ENTREP2: variants seen among roughly 807,000 people sequenced by gnomAD.
ENTREP2 encodes the protein protein ENTREP2.
the ENTREP2 span, among the ~76,000 whole-genome samples, chr15:29,646,906 T>C: frequency 6.6e-6 from 1 of 152,230 alleles, no homozygotes; most frequent in East Asian, 1.9e-4. Flanking sequence ...AATGGGTTAC[T>C]ACAGTGGGTA....
chr15:29,364,937 C>T, the ENTREP2 span, among the ~76,000 whole-genome samples: 1 of 152,118 alleles, frequency 6.6e-6, no homozygotes, highest in African/African-American at 2.4e-5. Flanking sequence ...CACTCAGAGT[C>T]CATGGTTTAC....
the ENTREP2 span, among the ~76,000 whole-genome samples, chr15:29,591,833 A>AGAAGAAGAG: frequency 9.9e-4 from 1 of 1,008 alleles, no homozygotes; most frequent in Non-Finnish European, 3.2e-3. Flanking sequence ...ATCTCAAAAG[A>AGAAGAAGAG]GAAGAAGAAG....
the ENTREP2 span, among the ~76,000 whole-genome samples, chr15:29,600,455 C>CATCATCATCA: frequency 1.3e-5 from 2 of 152,108 alleles, no homozygotes; most frequent in African/African-American, 4.8e-5. Context: ...TCATCATCAT[C>CATCATCATCA]ATCATCATCA....
At chr15:29,536,749 C>T in the ENTREP2 span, among the ~76,000 whole-genome samples, 11 of 152,042 alleles carry the variant, frequency 7.2e-5, no homozygotes, top group Non-Finnish European at 1.5e-5. Flanking sequence ...TGACTGGTGT[C>T]CTTATAAAAA....
the ENTREP2 span, among the ~76,000 whole-genome samples, chr15:29,342,113 G>C: frequency 6.6e-6 from 1 of 152,208 alleles, no homozygotes; most frequent in Non-Finnish European, 1.5e-5. Context: ...ATGCAGGGCA[G>C]AAGGTGCCCT....
At chr15:29,521,621 T>C in the ENTREP2 span, among the ~76,000 whole-genome samples, 93 of 152,276 alleles carry the variant, frequency 6.1e-4, no homozygotes, top group Non-Finnish European at 7.5e-4. Flanking sequence ...AGAGAGGATT[T>C]GTTTAGATTG....
At chr15:29,386,716 T>C in the ENTREP2 span, among the ~76,000 whole-genome samples, 11 of 151,962 alleles carry the variant, frequency 7.2e-5, no homozygotes, top group African/African-American at 2.7e-4. Context: ...GCCTTCACAA[T>C]GGGACTGGTA....
the ENTREP2 span, among the ~76,000 whole-genome samples, chr15:29,329,056 C>T: frequency 1.3e-5 from 2 of 152,076 alleles, no homozygotes; most frequent in African/African-American, 4.8e-5. Flanking sequence ...TAACAATGAT[C>T]CCTAATAATA....
chr15:29,261,469 G>A, the ENTREP2 span, among the ~76,000 whole-genome samples: 1 of 152,048 alleles, frequency 6.6e-6, no homozygotes, highest in South Asian at 2.1e-4. Flanking sequence ...ACTTGAGCCT[G>A]CTTCTACTGC....
At chr15:29,234,960 T>C in the ENTREP2 span, 2 of 1,514,022 alleles carry the variant, frequency 1.3e-6, no homozygotes, top group South Asian at 2.2e-5. Context: ...CCAGTGTCAT[T>C]CCAACAGATT....
the ENTREP2 span, among the ~76,000 whole-genome samples, chr15:29,480,338 CAAAAA>C: frequency 1.3e-3 from 39 of 29,412 alleles, no homozygotes; most frequent in African/African-American, 3.5e-3. Context: ...TTCACTATAG[CAAAAA>C]AAAAAAAAAA....
the ENTREP2 span, among the ~76,000 whole-genome samples, chr15:29,143,447 C>T: frequency 4.6e-5 from 7 of 152,166 alleles, no homozygotes; most frequent in African/African-American, 1.7e-4. Flanking sequence ...GCAGGGCTGC[C>T]TTGGGGGCAA....
chr15:29,259,657 C>G, the ENTREP2 span, among the ~76,000 whole-genome samples: 1 of 152,112 alleles, frequency 6.6e-6, no homozygotes, highest in African/African-American at 2.4e-5. Context: ...CTCACCCTCC[C>G]TCCTGATTCT....
the ENTREP2 span, among the ~76,000 whole-genome samples, chr15:29,132,978 G>A: frequency 6.6e-5 from 10 of 152,252 alleles, no homozygotes; most frequent in South Asian, 2.1e-4. Context: ...AGCTGCCCCC[G>A]CGCCACAAGG....
chr15:29,223,932 A>C, the ENTREP2 span, among the ~76,000 whole-genome samples: 1 of 152,230 alleles, frequency 6.6e-6, no homozygotes, highest in East Asian at 1.9e-4. Context: ...GCCCGCCCCC[A>C]GCTCGCGCCC....
chr15:29,607,777 G>A, the ENTREP2 span, among the ~76,000 whole-genome samples: 1 of 147,376 alleles, frequency 6.8e-6, no homozygotes, highest in African/African-American at 2.6e-5. Flanking sequence ...TCCCTAGGGG[G>A]ACAGAACTAA....
At chr15:29,384,765 G>C in the ENTREP2 span, among the ~76,000 whole-genome samples, 42 of 151,194 alleles carry the variant, frequency 2.8e-4, no homozygotes, top group African/African-American at 9.5e-4. Context: ...CAGCCCTCCC[G>C]GCCCCAGCCT....
chr15:29,631,940 C>G, the ENTREP2 span, among the ~76,000 whole-genome samples: 1 of 152,138 alleles, frequency 6.6e-6, no homozygotes, highest in East Asian at 1.9e-4. Flanking sequence ...AGTCTAGACT[C>G]TCCTTTGAGA....
chr15:29,159,421 C>T, the ENTREP2 span, among the ~76,000 whole-genome samples: 4 of 152,270 alleles, frequency 2.6e-5, no homozygotes, highest in African/African-American at 4.8e-5. Context: ...AACAAAGCTT[C>T]CACAGCATAG....
Sources: gnomAD v4.1 joint callset for allele counts (sites outside exome capture counted in the v4.1 genomes callset) on GRCh38, gnomAD v4.1.1 for gene constraint, MANE v1.5 for transcripts, NCBI Gene and HGNC (gene_info 2026-07-23, HGNC 2026-07-21) for gene names.